Variants in PLXNA1 observed in about 807,000 individuals in gnomAD.
The protein encoded by PLXNA1 is plexin-A1.
In PLXNA1, 77 loss-of-function variants were observed where a neutral mutation model predicts 191.7. That is an observed-to-expected ratio of 0.40 (90% CI 0.33 to 0.49). The LOEUF is 0.49. PLXNA1 is among the 20% of genes least tolerant of loss of function. PLXNA1 has a pLI of 0.63. For missense variants in PLXNA1, 2,110 were observed against 2,660.2 expected (o/e 0.79, Z 4.55); for synonymous variants, 1,137 against 1,156.4 (o/e 0.98, Z 0.34).
intron 1 of PLXNA1, among the ~76,000 whole-genome samples, chr3:126,985,028 C>T (rs532800075): frequency 1.2e-4 from 19 of 152,314 alleles, no homozygotes; most frequent in Non-Finnish European, 2.1e-4. Context: ...TCTTCCCCCC[C>T]GGCTGCTGTT....
At chr3:126,999,587 C>T (rs2079030045) in intron 3 of PLXNA1, among the ~76,000 whole-genome samples, 1 of 152,230 alleles carries the variant, frequency 6.6e-6, no homozygotes, top group Non-Finnish European at 1.5e-5. Context: ...CGCCTGCCCT[C>T]AGCCCGGAGA....
chr3:127,000,580 C>A (rs2079035510), intron 3 of PLXNA1, among the ~76,000 whole-genome samples: 1 of 152,216 alleles, frequency 6.6e-6, no homozygotes, highest in South Asian at 2.1e-4. Flanking sequence ...CCTCTGTACT[C>A]CTCCCAGGTG....
In PLXNA1 at chr3:127,014,083, A is replaced by T; in HGVS notation, c.2377A>T (p.Asn793Tyr). 1 of 1,613,984 alleles carries T rather than the reference A, an allele frequency of 6.2e-7. No individual in the cohort carries two copies. ...GAACCTGTCAGTCGTGTGGAACGGC[A>T]ACTTTGTCATTGACAACCCACAGAA... ...PVNLSVVWNG[N>Y]FVIDNPQNIQ... The change falls in exon 11 of 32, where the codon AAC becomes TAC. Residue 793 changes from asparagine to tyrosine, a missense_variant. Around this residue, in one of 4 missense-constraint regions of PLXNA1, gnomAD observed 644 missense variants for 714.3 expected, o/e 0.90. Coordinates refer to ENST00000393409, the MANE Select transcript of PLXNA1 (RefSeq NM_032242.4).
chr3:127,022,708 A>C, intron 22 of PLXNA1, 44 bp from the exon 23 acceptor site: 4 of 1,553,792 alleles, frequency 2.6e-6, no homozygotes, highest in Non-Finnish European at 3.6e-6. Context: ...TGCCTGCTGG[A>C]CAGCTGGAAT....
intron 3 of PLXNA1, among the ~76,000 whole-genome samples, chr3:126,994,906 T>C (rs2107622736): frequency 6.6e-6 from 1 of 152,210 alleles, no homozygotes; most frequent in Middle Eastern, 3.4e-3. Context: ...CTGGCCTGGC[T>C]GTGCTCTCAG....
At chr3:127,027,083 C>T (rs950725907) in intron 23 of PLXNA1, 1 of 165,044 alleles carries the variant, frequency 6.1e-6, no homozygotes, top group South Asian at 1.7e-4. Context: ...GGAGACTCAG[C>T]GAGGCAGTGG....
rs1559952377 is a variant in PLXNA1, at chr3:126,988,707, G to T, written c.114G>T (p.Gln38His). The change falls in exon 2 of 32, where the codon CAG becomes CAT. Residue 38 changes from glutamine (Q) to histidine (H), a missense_variant. Physicochemically the swap from Gln to His is conservative, Grantham distance 24. Coordinates refer to ENST00000393409, the MANE Select transcript of PLXNA1 (RefSeq NM_032242.4). ...TGCCCAGGGCAGGCGGGGGTTCACA[G>T]CCCCCCTTCCGCACCTTCTCGGCCA... ...AGLPRAGGGSQPPFRTFSASD... is the reference protein window; with the variant it reads ...AGLPRAGGGSHPPFRTFSASD... 1 of 1,572,610 alleles carries T rather than the reference G, an allele frequency of 6.4e-7. No individual in the cohort carries two copies. Among genetic ancestry groups the T allele is most frequent in the Admixed American group, 1.7e-5 (1 of 57,696 alleles).
chr3:126,987,668 C>T (rs2078965911), intron 1 of PLXNA1, among the ~76,000 whole-genome samples: 1 of 152,070 alleles, frequency 6.6e-6, no homozygotes, highest in Non-Finnish European at 1.5e-5. Context: ...AGGAATTCCT[C>T]TTTCCTTGGA....
chr3:127,008,875 G>T (rs952813810), intron 9 of PLXNA1, among the ~76,000 whole-genome samples: 1 of 152,216 alleles, frequency 6.6e-6, no homozygotes, highest in Non-Finnish European at 1.5e-5. Flanking sequence ...CAGGGCACAG[G>T]ACAGCGGTGG....
chr3:127,016,026 C>T (rs1429021890), intron 15 of PLXNA1, among the ~76,000 whole-genome samples: 5 of 152,116 alleles, frequency 3.3e-5, no homozygotes, highest in Non-Finnish European at 7.4e-5. Context: ...GCACTCGGAG[C>T]CCCGGCTGAG....
chr3:127,022,236 T>C lies in PLXNA1; in HGVS notation c.4190T>C (p.Leu1397Pro), dbSNP rs1227904060. Reference sequence around the variant, plus strand: ...GTGGCCTCGCTCATCATGACGGCCCTGCAGGGCGAGATGGAATACGCCACA... The same window carrying C: ...GTGGCCTCGCTCATCATGACGGCCCCGCAGGGCGAGATGGAATACGCCACA... The part of the protein sequence containing the change: ...GNVASLIMTA[L>P]QGEMEYATGV... The change falls in exon 22 of 32, where the codon CTG (leucine) becomes CCG (proline). Residue 1397 changes from leucine to proline, a missense_variant. Leu to Pro is a moderately conservative substitution (Grantham distance 98). Around this residue, in one of 4 missense-constraint regions of PLXNA1, gnomAD observed 559 missense variants for 911.5 expected, o/e 0.61. Coordinates refer to ENST00000393409, the MANE Select transcript of PLXNA1 (RefSeq NM_032242.4). 6.2e-7 allele frequency: 1 copy of C among 1,613,354 alleles called. No individual in the cohort carries two copies. Among genetic ancestry groups the C allele is most frequent in the East Asian group, 2.2e-5 (1 of 44,882 alleles).
chr3:127,017,426 G>A lies in PLXNA1; in HGVS notation c.3278G>A (p.Gly1093Asp). The A allele has an allele frequency of 1.9e-6, 3 of 1,612,108 alleles. No homozygotes were observed. The highest frequency in any genetic ancestry group is 2.2e-5 in the South Asian group (2 of 91,052). ...AKYGGIERENGCLVYNDTTMV... is the reference protein window; with the variant it reads ...AKYGGIERENDCLVYNDTTMV... ...AGCATCCCCACCCTGTGTCTCCAGG[G>A]CTGCCTGGTGTACAATGACACCACC... The change falls in exon 18 of 32, where the codon GGC (glycine) becomes GAC (aspartate). Residue 1093 changes from glycine to aspartate, a missense_variant and splice_region_variant. Gly to Asp is a moderately conservative substitution (Grantham distance 94). Coordinates refer to ENST00000393409, the MANE Select transcript of PLXNA1 (RefSeq NM_032242.4).
chr3:127,029,601 C>CT, intron 27 of PLXNA1, 65 bp downstream of exon 27: 1 of 1,519,472 alleles, frequency 6.6e-7, no homozygotes, highest in Non-Finnish European at 9.1e-7. Flanking sequence ...GGACGTCCCC[C>CT]GGGCTCCCAC....
intron 29 of PLXNA1, among the ~76,000 whole-genome samples, chr3:127,031,659 C>T (rs1256965012): frequency 5.3e-5 from 8 of 152,204 alleles, no homozygotes; most frequent in African/African-American, 1.9e-4. Flanking sequence ...GTCCCAGCTC[C>T]GCCCACTGCT....
chr3:126,991,919 C>T (rs2078992825), intron 3 of PLXNA1, among the ~76,000 whole-genome samples: 2 of 152,152 alleles, frequency 1.3e-5, no homozygotes, highest in Non-Finnish European at 2.9e-5. Flanking sequence ...CTGCGCGGCC[C>T]CCTCCCCTCT....
At position 127,009,521 on chromosome 3, in the gene PLXNA1, G is replaced by A. The variant is rs911714854; in HGVS notation, c.2112+1608G>A. Among the ~76,000 whole-genome samples the A allele has an allele frequency of 4.0e-5, 6 of 151,896 alleles. 1 individual carries two copies. The highest frequency in any genetic ancestry group is 2.0e-4 in the Admixed American group (3 of 15,266). Reference sequence around the variant, plus strand: ...CTAAGGGGTGTGACGTGAGTCCTCCGGGACTCAGGGAACAATGGCCAGTGG... The same window carrying A: ...CTAAGGGGTGTGACGTGAGTCCTCCAGGACTCAGGGAACAATGGCCAGTGG... On this transcript the variant is annotated intron_variant, in intron 9 of 31. Transcript: ENST00000393409.
At chr3:127,002,243 C>T (rs977267243) in intron 3 of PLXNA1, among the ~76,000 whole-genome samples, 7 of 152,252 alleles carry the variant, frequency 4.6e-5, no homozygotes, top group Non-Finnish European at 8.8e-5. Context: ...TCCACTCTTC[C>T]GGGTCTGGTT....
chr3:127,033,701 C>T (rs1482271758), intron 31 of PLXNA1, among the ~76,000 whole-genome samples: 1 of 152,120 alleles, frequency 6.6e-6, no homozygotes, highest in Non-Finnish European at 1.5e-5. Flanking sequence ...GCCAAGGGAT[C>T]AGAGCCTGCT....
intron 1 of PLXNA1, among the ~76,000 whole-genome samples, chr3:126,984,483 G>A (rs1258238397): frequency 1.3e-5 from 2 of 152,240 alleles, no homozygotes; most frequent in African/African-American, 2.4e-5. Context: ...GATTTCCTGC[G>A]GCTTGGGGTG....
Sources: allele counts gnomAD v4.1 joint callset (sites outside exome capture counted in the v4.1 genomes callset), GRCh38; gene constraint gnomAD v4.1.1; regional missense constraint gnomAD v4.1.1; transcripts MANE v1.5; gene names NCBI Gene and HGNC (gene_info 2026-07-23, HGNC 2026-07-21).